The following PLEKHM2 variants were observed in gnomAD, a reference collection of about 807,000 sequenced individuals.
The protein encoded by PLEKHM2 is pleckstrin homology domain-containing family M member 2.
In PLEKHM2, 77 loss-of-function variants were observed where a neutral mutation model predicts 116.3. The ratio of observed to expected loss-of-function variants is 0.66; its 90% CI spans 0.55 to 0.80. The LOEUF is 0.80. Ranked by LOEUF, PLEKHM2 falls within the 30% of genes least tolerant of loss-of-function variation. The pLI, the probability that PLEKHM2 is intolerant of heterozygous loss-of-function variation, is 0.00. For missense variants in PLEKHM2, 1,183 were observed against 1,354.9 expected (o/e 0.87, Z 1.99); for synonymous variants, 562 against 571.0 (o/e 0.98, Z 0.22).
intron 1 of PLEKHM2, among the ~76,000 whole-genome samples, chr1:15,694,748 T>G (rs999933597): frequency 4.8e-5 from 7 of 144,672 alleles, no homozygotes; most frequent in Non-Finnish European, 1.0e-4. Flanking sequence ...TGCTGTGTAT[T>G]TTGTTTTGTT....
In PLEKHM2 at chr1:15,719,823, G is replaced by T; in HGVS notation, c.555G>T (p.Ser185=). The change falls in exon 6 of 20, where the codon TCG becomes TCT. Residue 185 remains serine (S), a synonymous_variant. Transcript: ENST00000375799. The surrounding 1 kb of genome is among the most constrained non-coding windows in gnomAD (Gnocchi z 4.1). ...LLDFEDRLPS[S]VHGSDSLSLN... ...ACTTTGAAGACCGCCTTCCCAGCTCGGTCCACGGCTCAGACAGTCTGTCCC... is the reference window on the plus strand; with the variant it reads ...ACTTTGAAGACCGCCTTCCCAGCTCTGTCCACGGCTCAGACAGTCTGTCCC... 2 of 1,613,746 alleles carry T rather than the reference G, an allele frequency of 1.2e-6. No individual in the cohort carries two copies. The highest frequency in any genetic ancestry group is 8.5e-7 in the Non-Finnish European group (1 of 1,179,784).
Position 15,718,566 on chromosome 1 carries a change from C to A in PLEKHM2, c.406C>A (p.Leu136Met). The stretch of plus-strand genomic sequence containing the variant: ...TGCCCTGGTCTGCAGCCACGATCAC[C>A]TGACGCTCTTCCTGACCTTGGTGTC... ...KNALVCSHDH[L>M]TLFLTLVSGL... The change falls in exon 5 of 20, where the codon CTG becomes ATG. Residue 136 changes from leucine (L) to methionine (M), a missense_variant. Coordinates refer to ENST00000375799, the MANE Select transcript of PLEKHM2 (RefSeq NM_015164.4). 6.3e-7 allele frequency: 1 copy of A among 1,578,672 alleles called. No individual in the cohort carries two copies. Among genetic ancestry groups the A allele is most frequent in the Non-Finnish European group, 8.6e-7 (1 of 1,160,834 alleles).
chr1:15,693,745 G>C (rs1438337237), intron 1 of PLEKHM2, among the ~76,000 whole-genome samples: 1 of 152,202 alleles, frequency 6.6e-6, no homozygotes, highest in East Asian at 1.9e-4. Context: ...GCTGCCAGCT[G>C]ACACAAATGT....
At chr1:15,731,321 A>G in intron 16 of PLEKHM2, 64 bp downstream of exon 16, 1 of 1,257,610 alleles carries the variant, frequency 8.0e-7, no homozygotes, top group Non-Finnish European at 1.1e-6. Context: ...CTGGTTTGAG[A>G]TGGCTGCCCC....
intron 1 of PLEKHM2, 53 bp downstream of exon 1, chr1:15,684,671 G>C: frequency 2.6e-6 from 2 of 781,968 alleles, no homozygotes; most frequent in Non-Finnish European, 3.2e-6. Context: ...CGCCCCCCAC[G>C]CCCTCCGGCG....
rs1200143289 is a variant in PLEKHM2, at chr1:15,731,224, C to G, written c.2432C>G (p.Thr811Ser). ...NGILYQYPDR[T>S]DVIPLLSVNM... is the part of the protein sequence containing the mutation. ...ATCCTCTACCAGTACCCGGACCGCA[C>G]CGACGTCATCCCTCTGCTCTCGGTG... Residue 811 changes from threonine (T) to serine (S), a missense_variant, in exon 16 of 20, where the codon ACC becomes AGC. Physicochemically the swap from Thr to Ser is moderately conservative, Grantham distance 58. Transcript: ENST00000375799. 1 of 1,598,392 alleles carries G rather than the reference C, an allele frequency of 6.3e-7. No individual in the cohort carries two copies. Among genetic ancestry groups the G allele is most frequent in the Non-Finnish European group, 8.5e-7 (1 of 1,172,384 alleles).
intron 1 of PLEKHM2, among the ~76,000 whole-genome samples, chr1:15,686,654 T>TTTTC: frequency 6.7e-6 from 1 of 149,306 alleles, no homozygotes; most frequent in African/African-American, 2.5e-5. Flanking sequence ...CTAAATTTTT[T>TTTTC]TTTTTTTTTT....
In PLEKHM2 at chr1:15,684,539, G is replaced by A. The variant is rs1640722852; in HGVS notation, c.-20G>A. ...GGCGGCGGCGGTGGCGGTGGCGGTG[G>A]CGGCGACGGTGGCAGCGCCATGGAG... On this transcript the variant is annotated 5_prime_UTR_variant, in exon 1 of 20. Coordinates refer to ENST00000375799, the MANE Select transcript of PLEKHM2 (RefSeq NM_015164.4). 1.7e-6 allele frequency: 2 copies of A among 1,190,474 alleles called. No individual in the cohort carries two copies. Among genetic ancestry groups the A allele is most frequent in the Non-Finnish European group, 2.1e-6 (2 of 947,228 alleles). 73.7% of individuals were successfully genotyped at this position (1,190,474 alleles called of 1,614,324 possible).
At chr1:15,708,053 TTTTGTA>T (rs1197378058) in intron 1 of PLEKHM2, among the ~76,000 whole-genome samples, 6 of 151,368 alleles carry the variant, frequency 4.0e-5, no homozygotes, top group Non-Finnish European at 8.8e-5. Flanking sequence ...CCCAGCTAAT[TTTTGTA>T]TTTTTAGTAG....
chr1:15,720,592 T>C, intron 6 of PLEKHM2: 1 of 467,760 alleles, frequency 2.1e-6, no homozygotes, highest in African/African-American at 2.1e-5. Flanking sequence ...CCCCTCTTTA[T>C]CTCCTGTAGG....
rs151278627 is a variant in PLEKHM2, at chr1:15,730,352, G to A, written c.2209-180G>A. On this transcript the variant is annotated intron_variant, in intron 14 of 19. Transcript: ENST00000375799. Reference sequence around the variant, plus strand: ...AGCTACTTGGGAGGCTGAGGCAGGAGAATTGCTTGAACCTGGAAGATGGAG... The same window carrying A: ...AGCTACTTGGGAGGCTGAGGCAGGAAAATTGCTTGAACCTGGAAGATGGAG... Among the ~76,000 whole-genome samples, 169 of 152,330 alleles carry A rather than the reference G, an allele frequency of 1.1e-3. 1 individual carries two copies. The highest frequency in any genetic ancestry group is 3.9e-3 in the African/African-American group (161 of 41,594).
intron 1 of PLEKHM2, among the ~76,000 whole-genome samples, chr1:15,685,062 T>C (rs1410013250): frequency 6.6e-6 from 1 of 152,252 alleles, no homozygotes; most frequent in East Asian, 1.9e-4. Context: ...CACTTTCCCA[T>C]GGCCTGGGTC....
intron 3 of PLEKHM2, among the ~76,000 whole-genome samples, chr1:15,717,596 C>A (rs1402549656): frequency 2.0e-5 from 3 of 152,198 alleles, no homozygotes; most frequent in Non-Finnish European, 4.4e-5. Context: ...AGTCTGGTTT[C>A]TCTCCCTGAG....
chr1:15,705,251 T>C (rs1364951668), intron 1 of PLEKHM2, among the ~76,000 whole-genome samples: 1 of 142,940 alleles, frequency 7.0e-6, no homozygotes. Context: ...CAATCTTGGC[T>C]CACTGCAACC....
At chr1:15,682,638 C>CAAAAAAAAAAAAAAA (rs1261914010), upstream of PLEKHM2, among the ~76,000 whole-genome samples, 3 of 70,786 alleles carry the variant, frequency 4.2e-5, no homozygotes, top group Non-Finnish European at 5.6e-5. Flanking sequence ...CAAAACAAAA[C>CAAAAAAAAAAAAAAA]AAAACAAAAA....
In PLEKHM2 at chr1:15,734,073, T is replaced by A; in HGVS notation, c.*139T>A. 3 of 929,642 alleles carry A rather than the reference T, an allele frequency of 3.2e-6. No homozygotes were observed. The highest frequency in any genetic ancestry group is 4.7e-6 in the Non-Finnish European group (3 of 639,998). 57.6% of individuals were successfully genotyped at this position (929,642 alleles called of 1,614,324 possible). On this transcript the variant is annotated 3_prime_UTR_variant, in exon 20 of 20. Coordinates refer to ENST00000375799, the MANE Select transcript of PLEKHM2 (RefSeq NM_015164.4). ...GGCGGCAGAACCACCGAGTGTGGCT[T>A]AAGACAGGGTCCCTCCACTCCAGGG...
chr1:15,733,751 G>A lies in PLEKHM2; in HGVS notation c.2923-46G>A. The A allele has an allele frequency of 1.9e-6, 3 of 1,596,456 alleles. No individual in the cohort carries two copies. The East Asian group carries it at 6.7e-5, about 36-fold the overall frequency. ...GTGCCCACAAGCCCTGAAGACTCCT[G>A]TGGCCCTCAGTGGCCCTCATCTGTT... On this transcript the variant is annotated intron_variant, in intron 19 of 19. Coordinates refer to ENST00000375799, the MANE Select transcript of PLEKHM2 (RefSeq NM_015164.4).
intron 1 of PLEKHM2, among the ~76,000 whole-genome samples, chr1:15,713,791 A>G (rs577653769): frequency 6.6e-6 from 1 of 151,164 alleles, no homozygotes; most frequent in East Asian, 2.0e-4. Flanking sequence ...GCCTGCCACT[A>G]CGCCCGGCTA....
At chr1:15,688,604 C>T (rs1361226604) in intron 1 of PLEKHM2, among the ~76,000 whole-genome samples, 2 of 147,624 alleles carry the variant, frequency 1.4e-5, no homozygotes, top group African/African-American at 5.1e-5. Flanking sequence ...GAACTGAGAT[C>T]GCGCCATTGC....
Sources: gnomAD v4.1 joint callset for allele counts (sites outside exome capture counted in the v4.1 genomes callset) on GRCh38, gnomAD v4.1.1 for gene constraint, Gnocchi (gnomAD v3.1) non-coding constraint, MANE v1.5 for transcripts, NCBI Gene and HGNC (gene_info 2026-07-23, HGNC 2026-07-21) for gene names.